Variants in EXOC4 observed in about 807,000 individuals in gnomAD.
EXOC4 encodes exocyst complex component 4.
EXOC4 carries 71 observed loss-of-function variants against 107.2 expected under a neutral mutation model. That is an observed-to-expected ratio of 0.66 (90% CI 0.55 to 0.81). The LOEUF is 0.81. Among genes scored for constraint, EXOC4 ranks in the 30% least tolerant of loss-of-function variants. The pLI, the probability that EXOC4 is intolerant of heterozygous loss-of-function variation, is 0.00. For missense variants in EXOC4, 1,108 were observed against 1,189.6 expected (o/e 0.93, Z 1.01); for synonymous variants, 456 against 441.2 (o/e 1.03, Z -0.42).
intron 9 of EXOC4, among the ~76,000 whole-genome samples, chr7:133,549,199 T>C (rs6967240): frequency 0.24 from 36,054 of 151,882 alleles, 5,114 homozygotes; most frequent in African/African-American, 0.38. Context: ...CACTGTGTTG[T>C]TAGGCTGGTC....
At chr7:133,512,148 G>A (rs1211282962) in intron 9 of EXOC4, among the ~76,000 whole-genome samples, 3 of 152,226 alleles carry the variant, frequency 2.0e-5, no homozygotes, top group Admixed American at 6.5e-5. Context: ...CTTTGAAAAT[G>A]CCCTGGCATG....
intron 6 of EXOC4, among the ~76,000 whole-genome samples, chr7:133,364,265 G>C (rs561144745): frequency 1.3e-5 from 2 of 151,776 alleles, no homozygotes; most frequent in Admixed American, 6.6e-5. Context: ...TGAGTAGTTG[G>C]GACTACAGTT....
At chr7:133,746,318 A>T (rs555924928) in intron 10 of EXOC4, among the ~76,000 whole-genome samples, 1 of 152,296 alleles carries the variant, frequency 6.6e-6, no homozygotes, top group East Asian at 1.9e-4. Context: ...GACATAAAGA[A>T]CTTTCGTTAC....
At chr7:133,467,057 C>A (rs1798747070) in intron 7 of EXOC4, among the ~76,000 whole-genome samples, 1 of 152,088 alleles carries the variant, frequency 6.6e-6, no homozygotes, top group Non-Finnish European at 1.5e-5. Flanking sequence ...TCAATCTTAA[C>A]CTATTCACAT....
chr7:133,556,648 A>G (rs1584995999), intron 9 of EXOC4, among the ~76,000 whole-genome samples: 1 of 152,230 alleles, frequency 6.6e-6, no homozygotes, highest in African/African-American at 2.4e-5. Context: ...CTAGAGACCT[A>G]CACAGGGAAT....
intron 14 of EXOC4, among the ~76,000 whole-genome samples, chr7:133,991,976 T>G (rs2116246765): frequency 1.3e-5 from 2 of 152,332 alleles, no homozygotes; most frequent in Middle Eastern, 6.8e-3. Context: ...GATTCTTTTT[T>G]CTATTTCTGT....
chr7:133,948,476 T>C (rs1800606369), intron 14 of EXOC4, among the ~76,000 whole-genome samples: 1 of 152,178 alleles, frequency 6.6e-6, no homozygotes, highest in African/African-American at 2.4e-5. Flanking sequence ...AGAAAAATGT[T>C]CTAAATATAA....
chr7:133,779,778 A>T (rs551285553), intron 10 of EXOC4, among the ~76,000 whole-genome samples: 2 of 152,072 alleles, frequency 1.3e-5, no homozygotes, highest in Non-Finnish European at 2.9e-5. Context: ...ACCAATCAGC[A>T]CACTGTAAAA....
At chr7:134,040,258 G>A (rs1795484411) in intron 17 of EXOC4, among the ~76,000 whole-genome samples, 1 of 152,024 alleles carries the variant, frequency 6.6e-6, no homozygotes, top group South Asian at 2.1e-4. Flanking sequence ...TACACTATTT[G>A]GCCCAAATTT....
chr7:133,335,845 C>T (rs574562336), intron 5 of EXOC4, among the ~76,000 whole-genome samples: 1 of 152,116 alleles, frequency 6.6e-6, no homozygotes, highest in Non-Finnish European at 1.5e-5. Context: ...CAACACTTGC[C>T]ATTTTCTGTA....
chr7:133,528,872 C>T (rs569351972), intron 9 of EXOC4, among the ~76,000 whole-genome samples: 1 of 152,244 alleles, frequency 6.6e-6, no homozygotes, highest in East Asian at 1.9e-4. Flanking sequence ...TACATCCCAA[C>T]ATCAACAGAT....
chr7:133,447,006 C>T (rs1016854435), intron 7 of EXOC4, among the ~76,000 whole-genome samples: 1 of 152,108 alleles, frequency 6.6e-6, no homozygotes, highest in African/African-American at 2.4e-5. Flanking sequence ...TTCTATAAAC[C>T]TTTGAAGACT....
chr7:133,452,151 A>G (rs1798362707), intron 7 of EXOC4, among the ~76,000 whole-genome samples: 1 of 152,116 alleles, frequency 6.6e-6, no homozygotes. Flanking sequence ...TTTTTCATGG[A>G]AGGAACCGAA....
intron 10 of EXOC4, among the ~76,000 whole-genome samples, chr7:133,665,607 A>G (rs564908928): frequency 1.3e-5 from 2 of 152,154 alleles, no homozygotes; most frequent in East Asian, 3.9e-4. Flanking sequence ...CACATACTAT[A>G]TTTTCAGTAT....
intron 9 of EXOC4, among the ~76,000 whole-genome samples, chr7:133,490,754 G>A (rs979008545): frequency 6.6e-6 from 1 of 152,160 alleles, no homozygotes; most frequent in Non-Finnish European, 1.5e-5. Context: ...TGGTGTACTG[G>A]TGATATGGGA....
intron 17 of EXOC4, among the ~76,000 whole-genome samples, chr7:134,036,348 G>A (rs1415934916): frequency 6.6e-6 from 1 of 152,166 alleles, no homozygotes; most frequent in Non-Finnish European, 1.5e-5. Flanking sequence ...AGCACTTTGG[G>A]AGGCCAAGAT....
intron 9 of EXOC4, among the ~76,000 whole-genome samples, chr7:133,529,631 C>T (rs1800143897): frequency 6.6e-6 from 1 of 152,110 alleles, no homozygotes; most frequent in African/African-American, 2.4e-5. Context: ...CTTTCTGGCT[C>T]CGTCATCTCT....
chr7:134,027,264 G>A (rs1358653019), intron 17 of EXOC4, among the ~76,000 whole-genome samples: 1 of 152,098 alleles, frequency 6.6e-6, no homozygotes, highest in East Asian at 1.9e-4. Context: ...CATGAACTGT[G>A]GAGGAAACAG....
At chr7:133,919,690 T>C (rs904209208) in intron 13 of EXOC4, among the ~76,000 whole-genome samples, 9 of 152,212 alleles carry the variant, frequency 5.9e-5, no homozygotes, top group African/African-American at 1.9e-4. Flanking sequence ...TTAAGTTTCC[T>C]CCATGGTTTT....
Sources: gnomAD v4.1 joint callset for allele counts (sites outside exome capture counted in the v4.1 genomes callset) on GRCh38, gnomAD v4.1.1 for gene constraint, MANE v1.5 for transcripts, NCBI Gene and HGNC (gene_info 2026-07-23, HGNC 2026-07-21) for gene names.